Variants in TMEM63C observed in about 807,000 individuals in gnomAD.
TMEM63C encodes the protein osmosensitive cation channel TMEM63C.
In TMEM63C, 32 loss-of-function variants were observed where a neutral mutation model predicts 99.2. The ratio of observed to expected loss-of-function variants is 0.32; its 90% CI spans 0.24 to 0.43. The LOEUF (loss-of-function observed/expected upper bound fraction) is 0.43, where lower values mean the gene tolerates loss of function less well. Among genes scored for constraint, TMEM63C ranks in the 20% least tolerant of loss-of-function variants. The probability of loss-of-function intolerance (pLI) is 1.00; values close to 1 mark genes in which losing one functional copy is unlikely to be tolerated. For missense variants in TMEM63C, 826 were observed against 1,053.0 expected (o/e 0.78, Z 2.98); for synonymous variants, 376 against 397.9 (o/e 0.94, Z 0.66).
chr14:77,207,925 C>T (rs571965834), intron 1 of TMEM63C, among the ~76,000 whole-genome samples: 7 of 152,268 alleles, frequency 4.6e-5, no homozygotes, highest in South Asian at 2.1e-4. Flanking sequence ...TTGGAATCAG[C>T]GTTCTCTGCC....
In TMEM63C at chr14:77,240,522, C is replaced by T. The variant is rs917075810; in HGVS notation, c.978C>T (p.Asp326=). The T allele has an allele frequency of 1.4e-5, 22 of 1,611,720 alleles. No homozygotes were observed. The highest frequency in any genetic ancestry group is 5.0e-5 in the Admixed American group (3 of 59,974). Residue 326 remains aspartate (D), a synonymous_variant, in exon 13 of 24, where the codon GAC becomes GAT. Coordinates refer to ENST00000298351, the MANE Select transcript of TMEM63C (RefSeq NM_020431.4). ...GCGAGCTAGAGGAGCAGCTAACGGA[C>T]GAGTTCAACGCCGAGCTCAACCGCG... The part of the protein sequence containing the change: ...YYSELEEQLT[D]EFNAELNRVP...
intron 6 of TMEM63C, among the ~76,000 whole-genome samples, chr14:77,228,600 G>A (rs1270872470): frequency 6.6e-6 from 1 of 150,650 alleles, no homozygotes; most frequent in Non-Finnish European, 1.5e-5. Context: ...GCAGTGGTAC[G>A]ATCTCAGCTC....
chr14:77,253,493 TGG>T, intron 23 of TMEM63C, 117 bp downstream of exon 23: 1 of 1,055,594 alleles, frequency 9.5e-7, no homozygotes, highest in Non-Finnish European at 1.4e-6. Flanking sequence ...GGGAAGGAGA[TGG>T]GGGACCCCTG....
At position 77,258,065 on chromosome 14, in the gene TMEM63C, T is replaced by TTCTGCC. The variant is rs1889504513; in HGVS notation, c.*1344_*1349dup. The TTCTGCC allele has an allele frequency of 6.6e-6, 1 of 152,404 alleles. No homozygotes were observed. Among genetic ancestry groups the TTCTGCC allele is most frequent in the African/African-American group, 2.4e-5 (1 of 41,462 alleles). The allele number at this position is 152,404 out of a possible 1,614,324, so 9.4% of individuals were successfully genotyped here. ...TTTGCCACAGCCGGGGGGAACCGGC[T>TTCTGCC]TCTGCCTCTGGGATGGGCTCTCATC... On this transcript the variant is annotated 3_prime_UTR_variant, in exon 24 of 24. Transcript: ENST00000298351.
At chr14:77,242,306 C>G in intron 13 of TMEM63C, 41 bp from the exon 14 acceptor site, 1 of 1,591,598 alleles carries the variant, frequency 6.3e-7, no homozygotes, top group Non-Finnish European at 8.6e-7. Flanking sequence ...CATCCCCCCA[C>G]CCCCAGACCC....
chr14:77,214,217 A>C (rs773305341), intron 2 of TMEM63C, among the ~76,000 whole-genome samples: 1 of 151,160 alleles, frequency 6.6e-6, no homozygotes, highest in Non-Finnish European at 1.5e-5. Flanking sequence ...ACATCCTAAC[A>C]CTCCTCTTAA....
At chr14:77,248,319 G>A (rs1196978030) in intron 18 of TMEM63C, 28 bp from the exon 19 acceptor site, 2 of 1,573,334 alleles carry the variant, frequency 1.3e-6, no homozygotes, top group Non-Finnish European at 8.6e-7. Context: ...GGCTTCTGTT[G>A]CCACCTTCCC....
intron 15 of TMEM63C, among the ~76,000 whole-genome samples, chr14:77,243,863 T>C (rs1594868115): frequency 6.6e-6 from 1 of 151,704 alleles, no homozygotes; most frequent in African/African-American, 2.4e-5. Context: ...ACACATACAG[T>C]CAACATGTGT....
At chr14:77,248,166 T>C (rs977252759) in intron 18 of TMEM63C, among the ~76,000 whole-genome samples, 181 bp from the exon 19 acceptor site, 2 of 152,132 alleles carry the variant, frequency 1.3e-5, no homozygotes, top group Non-Finnish European at 2.9e-5. Flanking sequence ...GTTGGGGACA[T>C]ATATATTATA....
chr14:77,242,942 C>A lies in TMEM63C; in HGVS notation c.1227C>A (p.Arg409=). Residue 409 remains arginine, a synonymous_variant, in exon 15 of 24, where the codon CGC becomes CGA. Transcript: ENST00000298351. ...TCCGCCGCTTCTTTTGGTGGGCCCG[C>A]TTTATCGCAATCAACACCTTCCTCT... ...LSVRRFFWWA[R]FIAINTFLFF... The A allele has an allele frequency of 6.2e-7, 1 of 1,614,024 alleles. No homozygotes were observed.
rs1889194794 is a variant in TMEM63C at position 77,242,459 on chromosome 14, G to A, written c.1177G>A (p.Asp393Asn). 6.2e-7 allele frequency: 1 copy of A among 1,613,878 alleles called. No homozygotes were observed. Among genetic ancestry groups the A allele is most frequent in the Non-Finnish European group, 8.5e-7 (1 of 1,179,834 alleles). The change falls in exon 14 of 24, where the codon GAC becomes AAC. Residue 393 changes from aspartate to asparagine, a missense_variant. Transcript: ENST00000298351. The stretch of plus-strand genomic sequence containing the variant: ...GGTCACTATGGCCCCACACCCCAAA[G>A]ACATTATTTGGTAAGCCTCCTCCAT... ...WRVTMAPHPK[D>N]IIWKHLSVRR...
chr14:77,226,305 A>G (rs555592255), intron 6 of TMEM63C, among the ~76,000 whole-genome samples: 1 of 152,282 alleles, frequency 6.6e-6, no homozygotes, highest in South Asian at 2.1e-4. Flanking sequence ...GCATCTGGGA[A>G]AGCAGGAAGG....
intron 17 of TMEM63C, 44 bp downstream of exon 17, chr14:77,246,070 T>G (rs1167117845): frequency 1.3e-6 from 2 of 1,492,712 alleles, no homozygotes; most frequent in Non-Finnish European, 1.9e-6. Flanking sequence ...CCAGGCTCTC[T>G]TAGAGTTAAG....
chr14:77,225,407 C>T lies in TMEM63C; in HGVS notation c.313-17C>T. 6.2e-7 allele frequency: 1 copy of T among 1,612,512 alleles called. No homozygotes were observed. The highest frequency in any genetic ancestry group is 1.1e-5 in the South Asian group (1 of 90,932). Reference sequence around the variant, plus strand: ...CAGGACCTGGGTTTTCTCACAGTTTCTCTCCTTTCCCCGCAGGGATTCTGT... The same window carrying T: ...CAGGACCTGGGTTTTCTCACAGTTTTTCTCCTTTCCCCGCAGGGATTCTGT... On this transcript the variant is annotated splice_polypyrimidine_tract_variant and intron_variant, in intron 5 of 23. Coordinates refer to ENST00000298351, the MANE Select transcript of TMEM63C (RefSeq NM_020431.4).
intron 1 of TMEM63C, chr14:77,212,395 GT>G (rs1888508982): frequency 6.6e-6 from 1 of 152,218 alleles, no homozygotes; most frequent in Admixed American, 6.5e-5. Context: ...GTCCTATACT[GT>G]GAAAGTGATG....
chr14:77,243,595 C>G (rs534735838), intron 15 of TMEM63C, among the ~76,000 whole-genome samples: 1 of 152,180 alleles, frequency 6.6e-6, no homozygotes, highest in Non-Finnish European at 1.5e-5. Context: ...GCCCTCAGCC[C>G]TGGAGGAACC....
At chr14:77,238,967 T>A (rs575207842) in intron 10 of TMEM63C, among the ~76,000 whole-genome samples, 200 bp downstream of exon 10, 2 of 152,298 alleles carry the variant, frequency 1.3e-5, no homozygotes, top group African/African-American at 4.8e-5. Context: ...AGTCAGGGAC[T>A]TCCTGCATGG....
intron 1 of TMEM63C, among the ~76,000 whole-genome samples, chr14:77,205,529 C>A (rs1888381304): frequency 6.6e-6 from 1 of 152,210 alleles, no homozygotes; most frequent in Non-Finnish European, 1.5e-5. Context: ...ATCAGCAAGA[C>A]CAGGGGGTGT....
chr14:77,219,264 G>C (rs1474729834), intron 3 of TMEM63C, among the ~76,000 whole-genome samples: 4 of 152,164 alleles, frequency 2.6e-5, no homozygotes, highest in Non-Finnish European at 1.5e-5. Flanking sequence ...ATCTGAACAT[G>C]CCTCCAGCTC....
Sources: allele counts gnomAD v4.1 joint callset (sites outside exome capture counted in the v4.1 genomes callset), GRCh38; gene constraint gnomAD v4.1.1; transcripts MANE v1.5; gene names NCBI Gene and HGNC (gene_info 2026-07-23, HGNC 2026-07-21).